Variants in SLC24A3 observed in about 807,000 individuals in gnomAD.
The protein encoded by SLC24A3 is solute carrier family 24 member 3.
Under a neutral mutation model 75.8 loss-of-function variants are expected in SLC24A3, and 28 were observed. The observed-to-expected ratio is 0.37, with a 90% confidence interval of 0.27 to 0.51. The LOEUF (loss-of-function observed/expected upper bound fraction) is 0.51. SLC24A3 is among the 20% of genes least tolerant of loss of function. The pLI, the probability that SLC24A3 is intolerant of heterozygous loss-of-function variation, is 0.94. For missense variants in SLC24A3, 663 were observed against 847.8 expected, an observed-to-expected ratio of 0.78 and a Z score of 2.71; for synonymous variants, 372 against 334.1, an observed-to-expected ratio of 1.11 and a Z score of -1.24.
chr20:19,394,409 A>C (rs1986417483), intron 2 of SLC24A3, among the ~76,000 whole-genome samples: 1 of 152,200 alleles, frequency 6.6e-6, no homozygotes, highest in African/African-American at 2.4e-5. Flanking sequence ...CTATCAACAC[A>C]ATGAAAAGGC....
chr20:19,633,293 C>T (rs1341460495), intron 6 of SLC24A3, among the ~76,000 whole-genome samples: 1 of 152,216 alleles, frequency 6.6e-6, no homozygotes, highest in Non-Finnish European at 1.5e-5. Flanking sequence ...TGGCTGTCTT[C>T]TCCCTGTGTC....
intron 2 of SLC24A3, among the ~76,000 whole-genome samples, chr20:19,414,534 G>A (rs1157069846): frequency 6.6e-6 from 1 of 151,966 alleles, no homozygotes; most frequent in Admixed American, 6.6e-5. Context: ...AACATTAGTA[G>A]AACAAAATAG....
chr20:19,309,755 A>C (rs1984412054), intron 2 of SLC24A3, among the ~76,000 whole-genome samples: 1 of 152,170 alleles, frequency 6.6e-6, no homozygotes. Flanking sequence ...GTGGCAGCTT[A>C]ATTTGAGATG....
intron 6 of SLC24A3, among the ~76,000 whole-genome samples, chr20:19,609,011 C>G (rs148680463): frequency 1.3e-5 from 2 of 152,186 alleles, no homozygotes; most frequent in Non-Finnish European, 2.9e-5. Context: ...CTCCATCCCA[C>G]GTACAAAGGC....
At chr20:19,214,519 A>AT (rs1463329971) in intron 1 of SLC24A3, among the ~76,000 whole-genome samples, 18 of 152,048 alleles carry the variant, frequency 1.2e-4, no homozygotes, top group Middle Eastern at 3.4e-3. Flanking sequence ...CACGCTGGCC[A>AT]TTTTTTTCTG....
intron 2 of SLC24A3, among the ~76,000 whole-genome samples, chr20:19,446,814 T>C (rs1987394664): frequency 1.3e-5 from 2 of 152,214 alleles, no homozygotes; most frequent in Non-Finnish European, 2.9e-5. Context: ...CTGTGAGCAA[T>C]GGAGCCTCTG....
chr20:19,614,196 T>C (rs1382876685), intron 6 of SLC24A3, among the ~76,000 whole-genome samples: 2 of 152,202 alleles, frequency 1.3e-5, no homozygotes, highest in African/African-American at 2.4e-5. Context: ...TTGCTATCTG[T>C]ATGAAGTTGA....
At chr20:19,358,759 A>G (rs1417317860) in intron 2 of SLC24A3, among the ~76,000 whole-genome samples, 1 of 152,226 alleles carries the variant, frequency 6.6e-6, no homozygotes, top group Non-Finnish European at 1.5e-5. Flanking sequence ...TGTATCCGTT[A>G]GCAGTCGCTC....
chr20:19,629,913 T>A (rs1403071025), intron 6 of SLC24A3, among the ~76,000 whole-genome samples: 1 of 152,200 alleles, frequency 6.6e-6, no homozygotes, highest in Non-Finnish European at 1.5e-5. Flanking sequence ...GACCTTCAAG[T>A]TGAAACAAAA....
At chr20:19,615,399 G>A (rs2031723861) in intron 6 of SLC24A3, among the ~76,000 whole-genome samples, 2 of 152,214 alleles carry the variant, frequency 1.3e-5, no homozygotes, top group Admixed American at 1.3e-4. Flanking sequence ...CTCGCATTCT[G>A]CAGACTGTAC....
At chr20:19,513,244 G>T (rs995005145) in intron 2 of SLC24A3, among the ~76,000 whole-genome samples, 1 of 152,248 alleles carries the variant, frequency 6.6e-6, no homozygotes, top group East Asian at 1.9e-4. Flanking sequence ...CATGCAGTAG[G>T]GGGGTGGCAT....
intron 1 of SLC24A3, among the ~76,000 whole-genome samples, chr20:19,266,419 C>T (rs1357184192): frequency 2.6e-5 from 4 of 152,218 alleles, no homozygotes; most frequent in Non-Finnish European, 5.9e-5. Flanking sequence ...CTCTGCCTGA[C>T]TCATTGGTGA....
At chr20:19,454,126 T>C (rs1458789679) in intron 2 of SLC24A3, among the ~76,000 whole-genome samples, 2 of 152,148 alleles carry the variant, frequency 1.3e-5, no homozygotes, top group African/African-American at 4.8e-5. Flanking sequence ...GCCAGTGATT[T>C]AGAGGCGGGT....
At chr20:19,499,425 C>T (rs564788735) in intron 2 of SLC24A3, among the ~76,000 whole-genome samples, 6 of 152,256 alleles carry the variant, frequency 3.9e-5, no homozygotes, top group South Asian at 2.1e-4. Flanking sequence ...TGTATTCTCA[C>T]GTGACAGAGA....
chr20:19,334,680 GA>G (rs1221118412), intron 2 of SLC24A3, among the ~76,000 whole-genome samples: 1 of 152,232 alleles, frequency 6.6e-6, no homozygotes, highest in African/African-American at 2.4e-5. Context: ...GCAAGCAGGT[GA>G]TTGCTGTGGG....
At chr20:19,554,872 G>T (rs2030757758) in intron 3 of SLC24A3, among the ~76,000 whole-genome samples, 1 of 152,220 alleles carries the variant, frequency 6.6e-6, no homozygotes, top group Non-Finnish European at 1.5e-5. Context: ...ACTGCAGCCA[G>T]TCTGCAATGA....
intron 6 of SLC24A3, among the ~76,000 whole-genome samples, chr20:19,623,435 C>G (rs892749867): frequency 1.3e-5 from 2 of 152,204 alleles, no homozygotes; most frequent in Admixed American, 1.3e-4. Context: ...AAAGGCTTAC[C>G]TTTCCAGTAG....
chr20:19,597,637 C>A (rs542084554), intron 6 of SLC24A3, among the ~76,000 whole-genome samples: 2 of 152,202 alleles, frequency 1.3e-5, no homozygotes, highest in Non-Finnish European at 2.9e-5. Flanking sequence ...ATTGTGGTCA[C>A]CCTACTCTGC....
At chr20:19,400,510 C>T (rs577183058) in intron 2 of SLC24A3, among the ~76,000 whole-genome samples, 1 of 152,256 alleles carries the variant, frequency 6.6e-6, no homozygotes, top group Admixed American at 6.5e-5. Context: ...GACCTCTAAC[C>T]TCTTCGAGTG....
Sources: allele counts gnomAD v4.1 joint callset (sites outside exome capture counted in the v4.1 genomes callset), GRCh38; gene constraint gnomAD v4.1.1; transcripts MANE v1.5; gene names NCBI Gene and HGNC (gene_info 2026-07-23, HGNC 2026-07-21).